Variants in HIVEP1 observed in about 807,000 individuals in gnomAD.
The protein encoded by HIVEP1 is zinc finger protein 40.
HIVEP1 carries 36 observed loss-of-function variants against 180.0 expected under a neutral mutation model. The ratio of observed to expected loss-of-function variants is 0.20; its 90% CI spans 0.15 to 0.26. The LOEUF is 0.26. Among genes scored for constraint, HIVEP1 ranks in the 10% least tolerant of loss-of-function variants. HIVEP1 has a pLI of 1.00. For missense variants in HIVEP1, 3,143 were observed against 3,268.7 expected (o/e 0.96, Z 0.94); for synonymous variants, 1,239 against 1,239.0 (o/e 1.00, Z 0.00).
the HIVEP1 span, among the ~76,000 whole-genome samples, chr6:12,211,511 T>G: frequency 6.7e-6 from 1 of 148,814 alleles, no homozygotes; most frequent in Non-Finnish European, 1.5e-5. Context: ...CCACACAACA[T>G]AAACATAGAT....
intron 2 of HIVEP1, among the ~76,000 whole-genome samples, chr6:12,055,712 T>C (rs902003043): frequency 1.3e-5 from 2 of 152,184 alleles, no homozygotes; most frequent in Non-Finnish European, 2.9e-5. Flanking sequence ...AGGATACAAA[T>C]TGAGTTATTT....
In HIVEP1 at chr6:12,130,798, C is replaced by T. The variant is rs755809317; in HGVS notation, c.6241C>T (p.Arg2081Ter). 1 of 1,606,748 alleles carries T rather than the reference C, an allele frequency of 6.2e-7. No individual in the cohort carries two copies. The highest frequency in any genetic ancestry group is 8.5e-7 in the Non-Finnish European group (1 of 1,174,140). ...YKSNEEYVYVRGRGRGKYICE... is the reference protein window; with the variant it reads ...YKSNEEYVYV ...GTCAAATGAAGAGTATGTATATGTC[C>T]GAGGCAGGGGAAGAGGAAAATACAT... The change falls in exon 6 of 9, where the codon CGA becomes TGA. Residue 2081 changes from arginine to a stop codon, truncating the protein, a stop_gained. Coordinates refer to ENST00000379388, the MANE Select transcript of HIVEP1 (RefSeq NM_002114.4). LOFTEE classifies it high-confidence loss of function.
intron 3 of HIVEP1, among the ~76,000 whole-genome samples, chr6:12,094,164 CAAAT>C (rs1773653879): frequency 6.6e-6 from 1 of 151,810 alleles, no homozygotes; most frequent in Non-Finnish European, 1.5e-5. Context: ...TAGTTCCTGG[CAAAT>C]AAAAATGCAA....
chr6:12,018,436 C>T (rs1308246158), intron 2 of HIVEP1, among the ~76,000 whole-genome samples: 2 of 152,212 alleles, frequency 1.3e-5, no homozygotes, highest in South Asian at 2.1e-4. Flanking sequence ...ACGGTGTCAC[C>T]TCTCATTACT....
chr6:12,037,339 T>C (rs1052112584), intron 2 of HIVEP1, among the ~76,000 whole-genome samples: 1 of 152,236 alleles, frequency 6.6e-6, no homozygotes. Context: ...TAAACATAAG[T>C]GTAGAATCAA....
Position 12,124,757 on chromosome 6 carries a change from C to A in HIVEP1, c.4962C>A (p.Ser1654=). 1 of 1,614,150 alleles carries A rather than the reference C, an allele frequency of 6.2e-7. No individual in the cohort carries two copies. The highest frequency in any genetic ancestry group is 8.5e-7 in the Non-Finnish European group (1 of 1,180,022). The part of the protein sequence containing the change: ...VPAYCFATLT[S]LPQILVTQDL... Reference sequence around the variant, plus strand: ...CTTACTGTTTTGCTACACTCACATCCCTGCCACAAATACTAGTGACCCAAG... The same window carrying A: ...CTTACTGTTTTGCTACACTCACATCACTGCCACAAATACTAGTGACCCAAG... The change falls in exon 4 of 9, where the codon TCC becomes TCA. Residue 1654 remains serine (S), a synonymous_variant. Transcript: ENST00000379388.
At chr6:12,033,321 CAT>C (rs1491154875) in intron 2 of HIVEP1, among the ~76,000 whole-genome samples, 18 of 133,520 alleles carry the variant, frequency 1.3e-4, no homozygotes, top group South Asian at 4.7e-4. Flanking sequence ...AGTAGAGGAG[CAT>C]GTGTGTGTGT....
chr6:12,205,420 G>A, the HIVEP1 span, among the ~76,000 whole-genome samples: 7 of 151,854 alleles, frequency 4.6e-5, no homozygotes, highest in Non-Finnish European at 5.9e-5. Context: ...GCAGTGAGCC[G>A]AGATTGCGCC....
chr6:12,051,507 A>G (rs910905741), intron 2 of HIVEP1, among the ~76,000 whole-genome samples: 1 of 151,962 alleles, frequency 6.6e-6, no homozygotes, highest in African/African-American at 2.4e-5. Context: ...TTATCTTTCC[A>G]TTTTTGCCTT....
At chr6:12,109,408 A>G (rs556721452) in intron 3 of HIVEP1, among the ~76,000 whole-genome samples, 1 of 152,330 alleles carries the variant, frequency 6.6e-6, no homozygotes, top group African/African-American at 2.4e-5. Flanking sequence ...TTCTTTCAAA[A>G]TTGGAGTCAG....
chr6:12,121,228 A>C lies in HIVEP1; in HGVS notation c.1433A>C (p.Glu478Ala). 6.2e-7 allele frequency: 1 copy of C among 1,614,148 alleles called. No individual in the cohort carries two copies. Among genetic ancestry groups the C allele is most frequent in the Non-Finnish European group, 8.5e-7 (1 of 1,180,036 alleles). Residue 478 changes from glutamate (E) to alanine (A), a missense_variant, in exon 4 of 9, where the codon GAG (glutamate) becomes GCG (alanine). Transcript: ENST00000379388. This position sits in a 1 kb window ranked among gnomAD's most constrained non-coding sequence, Gnocchi z 5.3. ...GCTGGTGGCTTGTTCTTGTCCCACG[A>C]GTCCCCCAAAGCACTTAGTATTCAT... ...PDAGGLFLSH[E>A]SPKALSIHSD... is the part of the protein sequence containing the mutation.
At chr6:12,106,380 T>C (rs1255829909) in intron 3 of HIVEP1, among the ~76,000 whole-genome samples, 1 of 152,112 alleles carries the variant, frequency 6.6e-6, no homozygotes, top group Non-Finnish European at 1.5e-5. Context: ...ATGGTGTGTT[T>C]CTTTATTATG....
intron 4 of HIVEP1, among the ~76,000 whole-genome samples, chr6:12,127,968 A>G (rs1195863137): frequency 6.6e-6 from 1 of 152,204 alleles, no homozygotes; most frequent in African/African-American, 2.4e-5. Context: ...TATGATTCAC[A>G]ATGGGAAAGA....
chr6:12,141,733 A>G (rs928438040), intron 7 of HIVEP1, among the ~76,000 whole-genome samples: 3 of 140,090 alleles, frequency 2.1e-5, no homozygotes, highest in African/African-American at 5.1e-5. Flanking sequence ...AGGGGTTGCA[A>G]TCCTAGTCTC....
chr6:12,018,696 G>A (rs2113587426), intron 2 of HIVEP1, among the ~76,000 whole-genome samples: 1 of 152,296 alleles, frequency 6.6e-6, no homozygotes, highest in African/African-American at 2.4e-5. Flanking sequence ...TCTTAAGGCT[G>A]GGAAGTTATC....
chr6:12,042,123 A>G (rs1581559787), intron 2 of HIVEP1, among the ~76,000 whole-genome samples: 2 of 130,938 alleles, frequency 1.5e-5, no homozygotes, highest in Admixed American at 8.5e-5. Context: ...CCAAGGCGGG[A>G]CTGCGGACTG....
chr6:12,065,987 G>T (rs1237414978), intron 2 of HIVEP1, among the ~76,000 whole-genome samples: 1 of 152,128 alleles, frequency 6.6e-6, no homozygotes, highest in East Asian at 1.9e-4. Flanking sequence ...TGTGAGTAAG[G>T]AGAATGAGGG....
intron 7 of HIVEP1, among the ~76,000 whole-genome samples, chr6:12,156,793 T>C (rs185389853): frequency 1.4e-3 from 209 of 152,358 alleles, no homozygotes; most frequent in Non-Finnish European, 3.2e-4. Context: ...ATGTTCCACA[T>C]ACCCTTATAT....
rs1479998839 is a variant in HIVEP1 at position 12,063,549 on chromosome 6, G to C, written c.41-25635G>C. Among the ~76,000 whole-genome samples, 6 of 152,180 alleles carry C rather than the reference G, an allele frequency of 3.9e-5. No individual in the cohort carries two copies. Among genetic ancestry groups the C allele is most frequent in the Non-Finnish European group, 1.5e-5 (1 of 68,034 alleles). ...AAGGTGGGTTGGAAGGCAGGGAAGG[G>C]CAGGAGCAGATGCCATGCAGAGGAC... On this transcript the variant is annotated intron_variant, in intron 2 of 8. Transcript: ENST00000379388. This position sits in a 1 kb window ranked among gnomAD's most constrained non-coding sequence, Gnocchi z 4.2.
Sources: gnomAD v4.1 joint callset for allele counts (sites outside exome capture counted in the v4.1 genomes callset) on GRCh38, gnomAD v4.1.1 for gene constraint, Gnocchi (gnomAD v3.1) non-coding constraint, MANE v1.5 for transcripts, NCBI Gene and HGNC (gene_info 2026-07-23, HGNC 2026-07-21) for gene names.